The following IL15 variants were observed in gnomAD, a reference collection of about 807,000 sequenced individuals.
IL15 encodes the protein interleukin 15.
A neutral mutation model predicts 19.6 loss-of-function variants in IL15; 11 were observed. The ratio of observed to expected loss-of-function variants is 0.56; its 90% CI spans 0.35 to 0.93. The LOEUF (loss-of-function observed/expected upper bound fraction) is 0.93. Among genes scored for constraint, IL15 ranks in the 40% least tolerant of loss-of-function variants. IL15 has a pLI of 0.01. For missense variants in IL15, 197 were observed against 186.5 expected, an observed-to-expected ratio of 1.06 and a Z score of -0.33; for synonymous variants, 58 against 59.6, an observed-to-expected ratio of 0.97 and a Z score of 0.12.
chr4:141,680,340 G>C (rs2152172048), intron 2 of IL15, among the ~76,000 whole-genome samples: 1 of 152,308 alleles, frequency 6.6e-6, no homozygotes, highest in Middle Eastern at 3.4e-3. Context: ...GTCCAGAAGT[G>C]AGCTATCCCC....
chr4:141,720,650 A>G, intron 4 of IL15, 84 bp downstream of exon 4: 1 of 838,722 alleles, frequency 1.2e-6, no homozygotes, highest in South Asian at 1.4e-5. Flanking sequence ...AAATTAGTTT[A>G]CGTTCAGTTT....
intron 7 of IL15, 93 bp downstream of exon 7, chr4:141,730,077 C>A: frequency 1.0e-6 from 1 of 975,956 alleles, no homozygotes; most frequent in Non-Finnish European, 1.6e-6. Context: ...TCCTAAGGGG[C>A]AATCAGGAGA....
At chr4:141,714,778 C>T (rs1041704625) in intron 2 of IL15, 14 of 152,140 alleles carry the variant, frequency 9.2e-5, no homozygotes, top group African/African-American at 3.4e-4. Context: ...CTTTCCTGGT[C>T]CTTCTTTTAT....
intron 2 of IL15, among the ~76,000 whole-genome samples, chr4:141,683,274 A>C (rs912413485): frequency 2.0e-5 from 3 of 151,402 alleles, no homozygotes; most frequent in Admixed American, 6.6e-5. Context: ...TTTCAAAAAC[A>C]AACAAAAAAC....
chr4:141,639,315 A>G lies in IL15; in HGVS notation c.-222+2567A>G, dbSNP rs187191653. ...TATTTTCAGGCAGCGTTGTAATGGTAGAATGCCGGTTTTAAAGTAATGTTT... is the reference window on the plus strand; with the variant it reads ...TATTTTCAGGCAGCGTTGTAATGGTGGAATGCCGGTTTTAAAGTAATGTTT... On this transcript the variant is annotated intron_variant, in intron 1 of 7. Transcript: ENST00000320650. 2.0e-5 allele frequency among the ~76,000 whole-genome samples: 3 copies of G among 152,338 alleles called. No homozygotes were observed. In the East Asian group the frequency reaches 5.8e-4, roughly 29 times the overall value.
intron 3 of IL15, 54 bp from the exon 4 acceptor site, chr4:141,720,415 A>C: frequency 1.1e-6 from 1 of 881,396 alleles, no homozygotes; most frequent in Non-Finnish European, 1.9e-6. Flanking sequence ...GTTATTTTAA[A>C]CCTCACTTTT....
chr4:141,690,118 G>A (rs920905640), intron 2 of IL15, among the ~76,000 whole-genome samples: 1 of 152,144 alleles, frequency 6.6e-6, no homozygotes, highest in Non-Finnish European at 1.5e-5. Context: ...GTCCCTCATT[G>A]CCCGGGGCCA....
chr4:141,655,900 G>A (rs1246740477), intron 1 of IL15, among the ~76,000 whole-genome samples: 4 of 152,094 alleles, frequency 2.6e-5, no homozygotes, highest in Non-Finnish European at 5.9e-5. Flanking sequence ...ATTTACTAGA[G>A]AGCTATATGA....
chr4:141,689,285 T>G (rs1284863463), intron 2 of IL15, among the ~76,000 whole-genome samples: 4 of 152,164 alleles, frequency 2.6e-5, no homozygotes, highest in Admixed American at 6.5e-5. Context: ...CTGCTTTTAT[T>G]CTCTTATCTG....
chr4:141,720,208 T>C (rs924338493), intron 3 of IL15, among the ~76,000 whole-genome samples: 2 of 152,132 alleles, frequency 1.3e-5, no homozygotes, highest in Non-Finnish European at 2.9e-5. Flanking sequence ...AATTAACAAA[T>C]ATGTCAACTT....
intron 2 of IL15, among the ~76,000 whole-genome samples, chr4:141,699,481 TA>T (rs1729211816): frequency 1.3e-5 from 2 of 152,158 alleles, no homozygotes; most frequent in Admixed American, 1.3e-4. Flanking sequence ...TTAGGTTTAG[TA>T]GGTATTGTTT....
chr4:141,697,305 A>T (rs1729129647), intron 2 of IL15, among the ~76,000 whole-genome samples: 1 of 152,124 alleles, frequency 6.6e-6, no homozygotes, highest in Admixed American at 6.6e-5. Flanking sequence ...ACTTTGACAA[A>T]GATCAGATTG....
intron 2 of IL15, among the ~76,000 whole-genome samples, chr4:141,713,775 A>G (rs1729784177): frequency 6.6e-6 from 1 of 152,174 alleles, no homozygotes; most frequent in Non-Finnish European, 1.5e-5. Context: ...ATGAAGTCCT[A>G]TCATAAAGAA....
intron 1 of IL15, among the ~76,000 whole-genome samples, chr4:141,650,095 A>AT (rs1727355051): frequency 6.6e-6 from 1 of 152,082 alleles, no homozygotes; most frequent in Non-Finnish European, 1.5e-5. Flanking sequence ...AAAGTGGTGG[A>AT]TTAGCCATTG....
chr4:141,697,821 C>T (rs1326340531), intron 2 of IL15, among the ~76,000 whole-genome samples: 1 of 151,736 alleles, frequency 6.6e-6, no homozygotes, highest in Non-Finnish European at 1.5e-5. Context: ...ATTTGGATGC[C>T]CTTTATTTCT....
rs560727730 is a variant in IL15, at chr4:141,678,933, C to T, written c.-100+22626C>T. On this transcript the variant is annotated intron_variant, in intron 2 of 7. Transcript: ENST00000320650. ...TTTAAATAACATAAACAAATATATG[C>T]CGTATATTTCTTAGGTTGTTAAGTG... Among the ~76,000 whole-genome samples, 4 of 152,218 alleles carry T rather than the reference C, an allele frequency of 2.6e-5. No individual in the cohort carries two copies. In the South Asian group the frequency reaches 8.3e-4, roughly 32 times the overall value.
chr4:141,643,099 G>A (rs1727107643), intron 1 of IL15, among the ~76,000 whole-genome samples: 1 of 152,162 alleles, frequency 6.6e-6, no homozygotes, highest in African/African-American at 2.4e-5. Context: ...AAGACAATTA[G>A]AGATAAGGAA....
intron 2 of IL15, chr4:141,717,037 A>G (rs1211726092): frequency 1.3e-5 from 2 of 152,152 alleles, no homozygotes; most frequent in African/African-American, 4.8e-5. Context: ...GTTGCAGAAC[A>G]TTTGCCTTCA....
chr4:141,702,139 A>G (rs1372111698), intron 2 of IL15, among the ~76,000 whole-genome samples: 5 of 152,170 alleles, frequency 3.3e-5, no homozygotes, highest in Admixed American at 6.5e-5. Context: ...GACTTTCTCT[A>G]TTGTGCCCAG....
Sources: gnomAD v4.1 joint callset for allele counts (sites outside exome capture counted in the v4.1 genomes callset) on GRCh38, gnomAD v4.1.1 for gene constraint, MANE v1.5 for transcripts, NCBI Gene and HGNC (gene_info 2026-07-23, HGNC 2026-07-21) for gene names.